TCAIM: variants seen among roughly 807,000 people sequenced by gnomAD.
TCAIM encodes the protein T-cell activation inhibitor, mitochondrial.
A neutral mutation model predicts 58.6 loss-of-function variants in TCAIM; 36 were observed. That is an observed-to-expected ratio of 0.61 (90% CI 0.47 to 0.81). TCAIM has a LOEUF of 0.81. Ranked by LOEUF, TCAIM falls within the 30% of genes least tolerant of loss-of-function variation. The probability of loss-of-function intolerance (pLI) is 0.00; values close to 1 mark genes in which losing one functional copy is unlikely to be tolerated. For missense variants in TCAIM, 466 were observed against 579.6 expected, an observed-to-expected ratio of 0.80 and a Z score of 2.01; for synonymous variants, 172 against 193.6, an observed-to-expected ratio of 0.89 and a Z score of 0.93.
At chr3:44,361,256 A>G (rs1327713860) in intron 3 of TCAIM, 109 bp from the exon 4 acceptor site, 3 of 958,428 alleles carry the variant, frequency 3.1e-6, no homozygotes, top group African/African-American at 1.7e-5. Flanking sequence ...ACATTTTTAA[A>G]TACTAAATTA....
intron 2 of TCAIM, among the ~76,000 whole-genome samples, 161 bp downstream of exon 2, chr3:44,354,972 T>C (rs2125631009): frequency 6.6e-6 from 1 of 152,302 alleles, no homozygotes; most frequent in African/African-American, 2.4e-5. Flanking sequence ...AGACAGGTCC[T>C]CCAAGAGTAC....
intron 5 of TCAIM, among the ~76,000 whole-genome samples, chr3:44,369,847 C>T (rs1701436472): frequency 1.3e-5 from 2 of 152,074 alleles, no homozygotes; most frequent in Non-Finnish European, 2.9e-5. Context: ...TGTTGAATAA[C>T]TAAATGTGAT....
chr3:44,356,611 A>G (rs1204283859), intron 2 of TCAIM, among the ~76,000 whole-genome samples: 2 of 152,084 alleles, frequency 1.3e-5, no homozygotes, highest in African/African-American at 4.8e-5. Flanking sequence ...AAATAATTTC[A>G]TTTGGATTTA....
At chr3:44,363,396 T>C (rs1701322409) in intron 4 of TCAIM, among the ~76,000 whole-genome samples, 1 of 152,218 alleles carries the variant, frequency 6.6e-6, no homozygotes, top group Non-Finnish European at 1.5e-5. Flanking sequence ...TCTGTAACAT[T>C]TTTACCTGAT....
Position 44,392,932 on chromosome 3 carries a change from G to A in TCAIM, c.650G>A (p.Arg217His), listed in dbSNP as rs142202431. 575 of 1,612,990 alleles carry A rather than the reference G, an allele frequency of 3.6e-4. No homozygotes were observed. The highest frequency in any genetic ancestry group is 4.5e-4 in the Non-Finnish European group (530 of 1,179,356). Residue 217 changes from arginine to histidine, a missense_variant, in exon 6 of 11, where the codon CGT becomes CAT. Physicochemically the swap from Arg to His is conservative, Grantham distance 29 (BLOSUM62 0). Coordinates refer to ENST00000342649, the MANE Select transcript of TCAIM (RefSeq NM_173826.4). ...TTGCCACTTAGAAAAGAACTAGATC[G>A]TTTAAAAGATGAACTGTCTCATCAA... Reference protein sequence around the residue: ...NSLPLRKELDRLKDELSHQLQ... With the variant: ...NSLPLRKELDHLKDELSHQLQ...
rs1293432350 is a variant in TCAIM at position 44,401,212 on chromosome 3, T to C, written c.1128T>C (p.Tyr376=). 11 of 1,613,904 alleles carry C rather than the reference T, an allele frequency of 6.8e-6. No individual in the cohort carries two copies. In the Admixed American group the frequency reaches 8.3e-5, roughly 12 times the overall value. The change falls in exon 10 of 11, where the codon TAT becomes TAC. Residue 376 remains tyrosine (Y), a synonymous_variant. Transcript: ENST00000342649. ...GLQMILNSDR[Y]APSLHELGHF... ...GTATATTTTATTGCAGTGACAGATA[T>C]GCTCCAAGCTTGCATGAACTCGGGC...
At chr3:44,385,133 G>A (rs182130728) in intron 5 of TCAIM, among the ~76,000 whole-genome samples, 51 of 152,292 alleles carry the variant, frequency 3.3e-4, no homozygotes, top group African/African-American at 1.0e-3. Flanking sequence ...GATTACTTAC[G>A]ATTGTCACTA....
intron 4 of TCAIM, chr3:44,362,601 A>G (rs1575249147): frequency 2.5e-6 from 1 of 392,990 alleles, no homozygotes; most frequent in East Asian, 3.6e-5. Flanking sequence ...CAGTTTCTCC[A>G]TCTACCTCTG....
chr3:44,388,727 C>T (rs1241148216), intron 5 of TCAIM, among the ~76,000 whole-genome samples: 2 of 151,978 alleles, frequency 1.3e-5, no homozygotes, highest in Non-Finnish European at 2.9e-5. Context: ...TGTTGATTTC[C>T]TCATTTCATC....
At chr3:44,403,984 A>G (rs1285767032) in intron 10 of TCAIM, among the ~76,000 whole-genome samples, 2 of 151,936 alleles carry the variant, frequency 1.3e-5, no homozygotes, top group Non-Finnish European at 2.9e-5. Context: ...GTGCCCACAG[A>G]CCCTCTGCCC....
At chr3:44,394,943 T>A (rs1434532279) in intron 6 of TCAIM, among the ~76,000 whole-genome samples, 5 of 106,596 alleles carry the variant, frequency 4.7e-5, no homozygotes, top group African/African-American at 1.5e-4. Flanking sequence ...TATATATATA[T>A]ATATATATAT....
Position 44,385,175 on chromosome 3 carries a change from G to C in TCAIM, c.573-7680G>C, listed in dbSNP as rs889325626. 2.0e-5 allele frequency among the ~76,000 whole-genome samples: 3 copies of C among 152,196 alleles called. No homozygotes were observed. The South Asian group carries it at 6.2e-4, about 32-fold the overall frequency. ...TCAAAGGGAATTTTATTAGTCAAGA[G>C]TTTTTGATTGCCAACAAAAGAAACC... On this transcript the variant is annotated intron_variant, in intron 5 of 10. Transcript: ENST00000342649.
intron 1 of TCAIM, among the ~76,000 whole-genome samples, chr3:44,345,375 G>A (rs1178817590): frequency 6.6e-6 from 1 of 152,190 alleles, no homozygotes; most frequent in Non-Finnish European, 1.5e-5. Flanking sequence ...GGAGGACCCA[G>A]GACATCCAAC....
In TCAIM at chr3:44,407,663, A is replaced by G. The variant is rs756951937; in HGVS notation, c.1472A>G (p.Asn491Ser). ...CTTTGTATTCCTTGGAATTGGAAGA[A>G]TGGAGAAGCCATTAAGTAACACAGA... ...GDLCIPWNWK[N>S]GEAIK Residue 491 changes from asparagine (N) to serine (S), a missense_variant, in exon 11 of 11, where the codon AAT becomes AGT. Asn to Ser is a conservative substitution (Grantham distance 46). Transcript: ENST00000342649. 1 of 1,603,192 alleles carries G rather than the reference A, an allele frequency of 6.2e-7. No individual in the cohort carries two copies. The highest frequency in any genetic ancestry group is 8.5e-7 in the Non-Finnish European group (1 of 1,176,698).
intron 5 of TCAIM, 175 bp downstream of exon 5, chr3:44,367,883 T>C (rs1354104433): frequency 5.6e-6 from 3 of 532,786 alleles, no homozygotes; most frequent in South Asian, 1.0e-4. Context: ...CAGTAATCAT[T>C]ATGAAAAATA....
chr3:44,343,287 C>A (rs941221774), intron 1 of TCAIM, among the ~76,000 whole-genome samples: 1 of 152,062 alleles, frequency 6.6e-6, no homozygotes, highest in Admixed American at 6.5e-5. Flanking sequence ...GAATACAAAT[C>A]TCAAGCCCCC....
chr3:44,362,586 C>T (rs757946140), intron 4 of TCAIM: 2 of 394,504 alleles, frequency 5.1e-6, no homozygotes, highest in African/African-American at 2.1e-5. Context: ...AATTCCTTTT[C>T]TTGGCAGTTT....
At chr3:44,353,319 T>C (rs1426019616) in intron 1 of TCAIM, among the ~76,000 whole-genome samples, 3 of 152,220 alleles carry the variant, frequency 2.0e-5, no homozygotes, top group African/African-American at 7.2e-5. Context: ...GTTTATCCAT[T>C]TACTTACTGA....
intron 5 of TCAIM, among the ~76,000 whole-genome samples, chr3:44,378,324 G>A (rs1392936745): frequency 6.6e-6 from 1 of 151,968 alleles, no homozygotes; most frequent in African/African-American, 2.4e-5. Flanking sequence ...AGGTTGCAAT[G>A]AGCTGAGATC....
Sources: allele counts gnomAD v4.1 joint callset (sites outside exome capture counted in the v4.1 genomes callset), GRCh38; gene constraint gnomAD v4.1.1; transcripts MANE v1.5; gene names NCBI Gene and HGNC (gene_info 2026-07-23, HGNC 2026-07-21).